The following LPP variants were observed in gnomAD, a reference collection of about 807,000 sequenced individuals.
LPP encodes the protein lipoma-preferred partner.
In LPP, 38 loss-of-function variants were observed where a neutral mutation model predicts 60.4. That is an observed-to-expected ratio of 0.63 (90% CI 0.49 to 0.83). The LOEUF is 0.83. Ranked by LOEUF, LPP falls within the 40% of genes least tolerant of loss-of-function variation. The pLI is 0.00. For synonymous variants in LPP, 328 were observed against 290.8 expected, an observed-to-expected ratio of 1.13 and a Z score of -1.30; for missense variants, 902 against 783.6, an observed-to-expected ratio of 1.15 and a Z score of -1.80.
At chr3:188,475,668 C>T (rs945735185) in intron 4 of LPP, among the ~76,000 whole-genome samples, 1 of 151,716 alleles carries the variant, frequency 6.6e-6, no homozygotes, top group African/African-American at 2.4e-5. Context: ...TTTGGGAGGC[C>T]GAGGCGGGCG....
At chr3:188,568,392 C>T (rs781012824) in intron 6 of LPP, 6 of 151,902 alleles carry the variant, frequency 3.9e-5, no homozygotes, top group Non-Finnish European at 8.8e-5. Context: ...TCCACTGACT[C>T]TGGTTTTAAA....
intron 2 of LPP, among the ~76,000 whole-genome samples, chr3:188,239,243 A>G (rs1223364146): frequency 6.6e-6 from 1 of 152,168 alleles, no homozygotes; most frequent in Non-Finnish European, 1.5e-5. Flanking sequence ...GGCAATCGTA[A>G]GCCTAATCAC....
intron 9 of LPP, among the ~76,000 whole-genome samples, chr3:188,862,195 ATAAC>A (rs971641366): frequency 1.3e-5 from 2 of 152,304 alleles, no homozygotes; most frequent in Admixed American, 6.5e-5. Flanking sequence ...ACACTTCTTG[ATAAC>A]TAACTGTGTG....
At chr3:188,164,574 C>T (rs1246008748) in intron 1 of LPP, among the ~76,000 whole-genome samples, 1 of 152,140 alleles carries the variant, frequency 6.6e-6, no homozygotes, top group East Asian at 1.9e-4. Flanking sequence ...AGAGTTGCCA[C>T]CCACAGGGCT....
At chr3:188,268,196 A>C (rs1482862891) in intron 2 of LPP, among the ~76,000 whole-genome samples, 1 of 152,070 alleles carries the variant, frequency 6.6e-6, no homozygotes, top group African/African-American at 2.4e-5. Context: ...ATTGCAAGGC[A>C]ATTTCTAAAG....
chr3:188,429,436 C>A (rs1222453970), intron 4 of LPP, among the ~76,000 whole-genome samples: 1 of 152,158 alleles, frequency 6.6e-6, no homozygotes, highest in Non-Finnish European at 1.5e-5. Context: ...TGGTAACAGT[C>A]CCTGATGCAG....
intron 1 of LPP, among the ~76,000 whole-genome samples, chr3:188,184,654 T>C (rs954839099): frequency 7.3e-5 from 11 of 151,582 alleles, no homozygotes; most frequent in Admixed American, 1.3e-4. Context: ...CCTCCTGGGC[T>C]TCTTTTTAAA....
chr3:188,665,397 T>G (rs538650316), intron 7 of LPP, among the ~76,000 whole-genome samples: 22 of 152,220 alleles, frequency 1.4e-4, no homozygotes, highest in Admixed American at 3.9e-4. Flanking sequence ...TGAGTAGTTG[T>G]TTTATTAGAA....
At chr3:188,539,437 G>A (rs968037585) in intron 6 of LPP, among the ~76,000 whole-genome samples, 4 of 152,182 alleles carry the variant, frequency 2.6e-5, no homozygotes, top group Non-Finnish European at 5.9e-5. Flanking sequence ...CGACTCTCGT[G>A]TAGCTTGAGA....
chr3:188,273,589 C>CTTTTTT lies in LPP; in HGVS notation c.-67+48080_-67+48085dup, dbSNP rs11380757. On this transcript the variant is annotated intron_variant, in intron 2 of 11. Transcript: ENST00000617246. ...CCACCTTGACTTGGCTATTTTATATCTTTTTTTTTTTTTTTTTTTTTTTGA... is the reference window on the plus strand; with the variant it reads ...CCACCTTGACTTGGCTATTTTATATCTTTTTTTTTTTTTTTTTTTTTTTTTTTTTGA... 2.3e-3 allele frequency among the ~76,000 whole-genome samples: 183 copies of CTTTTTT among 80,416 alleles called. 2 individuals are homozygous for CTTTTTT. The highest frequency in any genetic ancestry group is 2.9e-3 in the Non-Finnish European group (133 of 45,160). The allele number at this position is 80,416 out of a possible 152,430, so 52.8% of individuals were successfully genotyped here.
intron 4 of LPP, among the ~76,000 whole-genome samples, chr3:188,461,080 T>C (rs1172005158): frequency 2.0e-5 from 3 of 152,166 alleles, no homozygotes; most frequent in African/African-American, 7.2e-5. Context: ...ATACAGAACT[T>C]AAACAGAGGC....
intron 1 of LPP, among the ~76,000 whole-genome samples, chr3:188,163,574 A>G (rs1363910096): frequency 1.3e-5 from 2 of 152,096 alleles, no homozygotes; most frequent in Non-Finnish European, 2.9e-5. Flanking sequence ...TAATGTGCAT[A>G]AGGCCAGGCA....
intron 3 of LPP, among the ~76,000 whole-genome samples, chr3:188,390,375 C>A (rs1243332759): frequency 6.6e-6 from 1 of 152,010 alleles, no homozygotes; most frequent in African/African-American, 2.4e-5. Flanking sequence ...TTATAGCTTT[C>A]CTTTGAAATT....
intron 3 of LPP, among the ~76,000 whole-genome samples, chr3:188,384,330 A>ATGTGTGAG (rs1553882707): frequency 6.7e-6 from 1 of 148,798 alleles, no homozygotes; most frequent in East Asian, 2.0e-4. Context: ...ATGTATGTGC[A>ATGTGTGAG]TGTGTGTGTG....
chr3:188,654,783 G>A (rs914695789), intron 7 of LPP, among the ~76,000 whole-genome samples: 6 of 152,122 alleles, frequency 3.9e-5, no homozygotes, highest in African/African-American at 1.4e-4. Context: ...GCAAGTACAA[G>A]AATCCTTTCA....
chr3:188,637,665 A>G (rs1849112892), intron 7 of LPP, among the ~76,000 whole-genome samples: 1 of 152,168 alleles, frequency 6.6e-6, no homozygotes, highest in Non-Finnish European at 1.5e-5. Context: ...GATGCAATAA[A>G]AAATGATAAA....
intron 8 of LPP, among the ~76,000 whole-genome samples, chr3:188,721,471 T>G (rs1367070704): frequency 1.3e-5 from 2 of 152,096 alleles, no homozygotes; most frequent in Non-Finnish European, 2.9e-5. Flanking sequence ...GGAGGATCAC[T>G]TAAGCACTGG....
At chr3:188,598,506 A>C (rs1453205992) in intron 6 of LPP, among the ~76,000 whole-genome samples, 1 of 152,100 alleles carries the variant, frequency 6.6e-6, no homozygotes, top group Non-Finnish European at 1.5e-5. Context: ...CTGCATCAAG[A>C]GGAGAAAAAA....
intron 2 of LPP, among the ~76,000 whole-genome samples, chr3:188,290,398 C>A (rs1270298646): frequency 6.6e-6 from 1 of 152,054 alleles, no homozygotes; most frequent in Admixed American, 6.6e-5. Flanking sequence ...TAGTGCTGTA[C>A]TTTCTTCATC....
Sources: allele counts gnomAD v4.1 joint callset (sites outside exome capture counted in the v4.1 genomes callset), GRCh38; gene constraint gnomAD v4.1.1; transcripts MANE v1.5; gene names NCBI Gene and HGNC (gene_info 2026-07-23, HGNC 2026-07-21).